The following PLCL2 variants were observed in gnomAD, a reference collection of about 807,000 sequenced individuals.
PLCL2 encodes the protein phospholipase C like 2.
A neutral mutation model predicts 79.6 loss-of-function variants in PLCL2; 4 were observed. The observed-to-expected ratio is 0.05, with a 90% CI of 0.02 to 0.11. The LOEUF (loss-of-function observed/expected upper bound fraction) is 0.11. PLCL2 is among the 10% of genes least tolerant of loss of function. PLCL2 has a pLI of 1.00. For missense variants in PLCL2, 895 were observed against 1,291.0 expected, an observed-to-expected ratio of 0.69 and a Z score of 4.70; for synonymous variants, 484 against 457.7, an observed-to-expected ratio of 1.06 and a Z score of -0.73.
At chr3:17,067,817 C>T in intron 4 of PLCL2, 139 bp from the exon 5 acceptor site, 1 of 530,932 alleles carries the variant, frequency 1.9e-6, no homozygotes, top group South Asian at 2.8e-5. Flanking sequence ...CCCATTATTA[C>T]ATTCTTAAAT....
chr3:17,060,056 C>G (rs978204326), intron 4 of PLCL2, among the ~76,000 whole-genome samples: 1 of 152,044 alleles, frequency 6.6e-6, no homozygotes, highest in South Asian at 2.1e-4. Context: ...CTTTATTTCT[C>G]GGTGAAATGA....
intron 4 of PLCL2, among the ~76,000 whole-genome samples, chr3:17,059,537 C>T (rs1157383809): frequency 4.6e-5 from 7 of 150,816 alleles, no homozygotes; most frequent in Admixed American, 4.6e-4. Context: ...TACTTGCCTC[C>T]AGACATATAT....
At chr3:16,917,302 A>G (rs1026840610) in intron 1 of PLCL2, among the ~76,000 whole-genome samples, 1 of 152,222 alleles carries the variant, frequency 6.6e-6, no homozygotes, top group African/African-American at 2.4e-5. Context: ...TAGAGTCTTA[A>G]CAGCTTTTGT....
At chr3:16,932,082 C>T (rs1020822651) in intron 1 of PLCL2, among the ~76,000 whole-genome samples, 1 of 152,172 alleles carries the variant, frequency 6.6e-6, no homozygotes, top group Admixed American at 6.5e-5. Flanking sequence ...CTCACACTTC[C>T]AGCCTTCAGA....
Position 16,886,087 on chromosome 3 carries a change from C to T in PLCL2, c.327+721C>T, listed in dbSNP as rs1288016447. Among the ~76,000 whole-genome samples the T allele has an allele frequency of 6.6e-6, 1 of 152,084 alleles. No homozygotes were observed. On this transcript the variant is annotated intron_variant, in intron 1 of 5. Coordinates refer to ENST00000615277, the MANE Select transcript of PLCL2 (RefSeq NM_001144382.2). This position sits in a 1 kb window ranked among gnomAD's most constrained non-coding sequence, Gnocchi z 4.2. ...TTGCACAGTGTTAGCGGAAGAAAGC[C>T]AGCGATTGTTTTGAGCATTTTAAAC...
chr3:16,972,273 C>A (rs990223043), intron 1 of PLCL2, among the ~76,000 whole-genome samples: 5 of 152,034 alleles, frequency 3.3e-5, no homozygotes, highest in African/African-American at 7.2e-5. Context: ...TTGTATATCT[C>A]GAAAACCCCA....
intron 1 of PLCL2, among the ~76,000 whole-genome samples, chr3:16,898,960 TTGGCAGGCCATTTG>T (rs1696555530): frequency 6.6e-6 from 1 of 152,238 alleles, no homozygotes; most frequent in South Asian, 2.1e-4. Flanking sequence ...GACCCACGCC[TTGGCAGGCCATTTG>T]GCAGTAATAC....
chr3:16,915,587 C>G (rs193093238), intron 1 of PLCL2, among the ~76,000 whole-genome samples: 9 of 152,102 alleles, frequency 5.9e-5, no homozygotes, highest in African/African-American at 2.2e-4. Flanking sequence ...CATATTTTTC[C>G]TTTTAATTTT....
At chr3:16,960,695 G>A (rs2063746919) in intron 1 of PLCL2, among the ~76,000 whole-genome samples, 1 of 152,126 alleles carries the variant, frequency 6.6e-6, no homozygotes, top group African/African-American at 2.4e-5. Flanking sequence ...CTGTAATTGA[G>A]TATTTTTCAT....
intron 1 of PLCL2, among the ~76,000 whole-genome samples, chr3:16,998,422 G>T (rs2064175552): frequency 1.3e-5 from 2 of 152,144 alleles, no homozygotes; most frequent in South Asian, 4.1e-4. Context: ...AAGTCAGCAG[G>T]CTCTGTAATG....
Position 17,016,907 on chromosome 3 carries a change from C to T in PLCL2, c.3018+1996C>T, listed in dbSNP as rs1441195168. Among the ~76,000 whole-genome samples, 9 of 152,140 alleles carry T rather than the reference C, an allele frequency of 5.9e-5. No homozygotes were observed. The South Asian group carries it at 8.3e-4, about 14-fold the overall frequency. The stretch of plus-strand genomic sequence containing the variant: ...GTCATACAGTGACATTTCTTCATGG[C>T]GAGCTTTTTAACAGGGACTTCTTGA... On this transcript the variant is annotated intron_variant, in intron 3 of 5. Coordinates refer to ENST00000615277, the MANE Select transcript of PLCL2 (RefSeq NM_001144382.2).
chr3:16,945,140 G>A (rs748252075), intron 1 of PLCL2, among the ~76,000 whole-genome samples: 5 of 152,046 alleles, frequency 3.3e-5, no homozygotes, highest in Non-Finnish European at 7.4e-5. Context: ...GCAGATAGCT[G>A]TGGTGCTCAA....
chr3:16,957,290 A>G (rs1177199806), intron 1 of PLCL2, among the ~76,000 whole-genome samples: 2 of 152,138 alleles, frequency 1.3e-5, no homozygotes, highest in African/African-American at 4.8e-5. Flanking sequence ...TTATGTACCC[A>G]GTAGTCACTC....
chr3:17,022,014 A>G (rs1460536337), intron 3 of PLCL2, among the ~76,000 whole-genome samples: 1 of 152,110 alleles, frequency 6.6e-6, no homozygotes, highest in African/African-American at 2.4e-5. Context: ...CACCACCTAG[A>G]GAACTGTTAG....
chr3:16,938,944 C>A (rs529008238), intron 1 of PLCL2, among the ~76,000 whole-genome samples: 1 of 152,276 alleles, frequency 6.6e-6, no homozygotes, highest in South Asian at 2.1e-4. Flanking sequence ...TCATTTCTGA[C>A]TTTTATTCAA....
At chr3:16,961,269 C>T (rs2063751957) in intron 1 of PLCL2, among the ~76,000 whole-genome samples, 1 of 152,190 alleles carries the variant, frequency 6.6e-6, no homozygotes, top group Non-Finnish European at 1.5e-5. Flanking sequence ...GACCTTTCCA[C>T]TGCACATTTC....
intron 4 of PLCL2, among the ~76,000 whole-genome samples, chr3:17,050,823 A>G (rs1257052980): frequency 1.3e-5 from 2 of 152,214 alleles, no homozygotes; most frequent in Admixed American, 6.5e-5. Flanking sequence ...GGAAATCAGT[A>G]TATCAAAGAG....
chr3:16,966,503 A>G (rs1001327985), intron 1 of PLCL2, among the ~76,000 whole-genome samples: 1 of 151,896 alleles, frequency 6.6e-6, no homozygotes, highest in Non-Finnish European at 1.5e-5. Context: ...TCTCTGCCAG[A>G]CTTTGGTATC....
chr3:16,935,518 G>C (rs1465922921), intron 1 of PLCL2, among the ~76,000 whole-genome samples: 1 of 151,896 alleles, frequency 6.6e-6, no homozygotes, highest in Admixed American at 6.6e-5. Flanking sequence ...TTACCTTCGG[G>C]TCTTTAATTC....
Sources: gnomAD v4.1 joint callset for allele counts (sites outside exome capture counted in the v4.1 genomes callset) on GRCh38, gnomAD v4.1.1 for gene constraint, Gnocchi (gnomAD v3.1) non-coding constraint, MANE v1.5 for transcripts, NCBI Gene and HGNC (gene_info 2026-07-23, HGNC 2026-07-21) for gene names.